Variants in DERA observed in about 807,000 individuals in gnomAD.
DERA encodes the protein 2-deoxy-D-ribose 5-phosphate aldolase.
Under a neutral mutation model 41.1 loss-of-function variants are expected in DERA, and 15 were observed. The observed-to-expected ratio is 0.37, with a 90% confidence interval of 0.24 to 0.56. DERA has a LOEUF of 0.56. Ranked by LOEUF, DERA falls within the 20% of genes least tolerant of loss-of-function variation. The pLI is 0.81. For missense variants in DERA, 396 were observed against 403.4 expected, an observed-to-expected ratio of 0.98 and a Z score of 0.16; for synonymous variants, 139 against 137.4, an observed-to-expected ratio of 1.01 and a Z score of -0.08.
Position 15,954,108 on chromosome 12 carries a change from T to C in DERA, c.32-2828T>C, listed in dbSNP as rs554658568. ...ACCTTGTGAGTTCTAACCTTTGGTG[T>C]ACTCAAAATTGGTTTTTAAGGGGAA... is the stretch of plus-strand genomic sequence containing the variant. On this transcript the variant is annotated intron_variant, in intron 1 of 8. Coordinates refer to ENST00000428559, the MANE Select transcript of DERA (RefSeq NM_015954.4). The surrounding 1 kb of genome is among the most constrained non-coding windows in gnomAD (Gnocchi z 4.0). Among the ~76,000 whole-genome samples, 110 of 152,344 alleles carry C rather than the reference T, an allele frequency of 7.2e-4. 1 individual carries two copies. The highest frequency in any genetic ancestry group is 1.4e-3 in the Non-Finnish European group (92 of 68,024).
rs1243331132 is a variant in DERA, at chr12:16,013,224, CTTAGT to C, written c.638-19314_638-19310del. Among the ~76,000 whole-genome samples, 2 of 152,082 alleles carry C rather than the reference CTTAGT, an allele frequency of 1.3e-5. No homozygotes were observed. The highest frequency in any genetic ancestry group is 2.9e-5 in the Non-Finnish European group (2 of 68,016). On this transcript the variant is annotated intron_variant, in intron 6 of 8. Transcript: ENST00000428559. This position sits in a 1 kb window ranked among gnomAD's most constrained non-coding sequence, Gnocchi z 5.8. The stretch of plus-strand genomic sequence containing the variant: ...GAAGTATTTTTCTTCAGTAGTAATG[CTTAGT>C]TTAATGTGTGACTGCACATGCTGTT...
Position 15,922,080 on chromosome 12 carries a change from A to T in DERA, c.31+10666A>T, listed in dbSNP as rs1948248403. On this transcript the variant is annotated intron_variant, in intron 1 of 8. Transcript: ENST00000428559. The surrounding 1 kb of genome is among the most constrained non-coding windows in gnomAD (Gnocchi z 4.9). The stretch of plus-strand genomic sequence containing the variant: ...TCAAAGTCATTCATTCAGCATGTGT[A>T]TGTTGAGTACTGTGAACTCATCACT... 6.6e-6 allele frequency among the ~76,000 whole-genome samples: 1 copy of T among 152,178 alleles called. No individual in the cohort carries two copies. The highest frequency in any genetic ancestry group is 6.5e-5 in the Admixed American group (1 of 15,272).
chr12:15,912,139 GT>G (rs1352148231), intron 1 of DERA, among the ~76,000 whole-genome samples: 1 of 152,030 alleles, frequency 6.6e-6, no homozygotes, highest in African/African-American at 2.4e-5. Flanking sequence ...AAGGTCTCTG[GT>G]TTTCCTAGGC....
Position 15,915,422 on chromosome 12 carries a change from C to A in DERA, c.31+4008C>A, listed in dbSNP as rs780663546. Among the ~76,000 whole-genome samples the A allele has an allele frequency of 6.6e-6, 1 of 151,986 alleles. No individual in the cohort carries two copies. The highest frequency in any genetic ancestry group is 6.6e-5 in the Admixed American group (1 of 15,260). ...TGGTGATTTTCCACTGCAAAGTTAA[C>A]GTTTAATTTTTGGAATGGATATTTA... On this transcript the variant is annotated intron_variant, in intron 1 of 8. Coordinates refer to ENST00000428559, the MANE Select transcript of DERA (RefSeq NM_015954.4). This position sits in a 1 kb window ranked among gnomAD's most constrained non-coding sequence, Gnocchi z 4.8.
In DERA at chr12:16,032,549, T is replaced by C. The variant is rs769731014; in HGVS notation, c.645T>C (p.Asp215=). ...TTCCTCTTTTTGTTTTAGGATCAGA[T>C]TTTATTAAGACCTCTACTGGAAAAG... is the stretch of plus-strand genomic sequence containing the variant. ...ASMIAMMAGS[D]FIKTSTGKET... is the part of the protein sequence containing the mutation. Residue 215 remains aspartate, a synonymous_variant, in exon 7 of 9, where the codon GAT becomes GAC. Transcript: ENST00000428559. The C allele has an allele frequency of 1.3e-6, 2 of 1,502,096 alleles. No individual in the cohort carries two copies. Among genetic ancestry groups the C allele is most frequent in the Non-Finnish European group, 1.8e-6 (2 of 1,126,518 alleles). The allele number at this position is 1,502,096 out of a possible 1,614,324, so 93.0% of individuals were successfully genotyped here.
rs1487184148 is a variant in DERA at position 15,928,683 on chromosome 12, G to A, written c.31+17269G>A. ...TGGAGAGTTTCCCCTATTAAAAGCT[G>A]TCTGGGAGAAGAATAGAAAATTCGG... On this transcript the variant is annotated intron_variant, in intron 1 of 8. Coordinates refer to ENST00000428559, the MANE Select transcript of DERA (RefSeq NM_015954.4). The surrounding 1 kb of genome is among the most constrained non-coding windows in gnomAD (Gnocchi z 4.6). Among the ~76,000 whole-genome samples the A allele has an allele frequency of 1.3e-5, 2 of 151,968 alleles. No individual in the cohort carries two copies. Among genetic ancestry groups the A allele is most frequent in the African/African-American group, 4.9e-5 (2 of 41,236 alleles).
chr12:15,914,353 T>C (rs919097759), intron 1 of DERA, among the ~76,000 whole-genome samples: 5 of 149,150 alleles, frequency 3.4e-5, no homozygotes, highest in African/African-American at 1.0e-4. Context: ...CTGCACTCCA[T>C]TGGGCAACAG....
intron 5 of DERA, among the ~76,000 whole-genome samples, chr12:15,980,677 TC>T (rs1407383026): frequency 6.6e-6 from 1 of 152,154 alleles, no homozygotes; most frequent in African/African-American, 2.4e-5. Context: ...TCTCAGATCA[TC>T]CCTAGTACTC....
chr12:15,962,643 G>A (rs1948595498), intron 4 of DERA, 170 bp from the exon 5 acceptor site: 1 of 518,954 alleles, frequency 1.9e-6, no homozygotes, highest in African/African-American at 1.9e-5. Flanking sequence ...ATGCATAAGT[G>A]ATGTTCTTAA....
chr12:15,930,152 A>G (rs1380400823), intron 1 of DERA, among the ~76,000 whole-genome samples: 4 of 152,182 alleles, frequency 2.6e-5, no homozygotes, highest in Admixed American at 6.5e-5. Context: ...CTCAAAATAT[A>G]TTAGGAATGT....
chr12:16,024,731 G>A (rs1412701630), intron 6 of DERA, among the ~76,000 whole-genome samples: 1 of 151,814 alleles, frequency 6.6e-6, no homozygotes, highest in African/African-American at 2.4e-5. Context: ...AGTTTCTCAG[G>A]GAGAAGAAAA....
chr12:15,994,639 G>A lies in DERA; in HGVS notation c.637+12203G>A, dbSNP rs913222150. Among the ~76,000 whole-genome samples the A allele has an allele frequency of 6.6e-6, 1 of 152,122 alleles. No homozygotes were observed. The highest frequency in any genetic ancestry group is 1.5e-5 in the Non-Finnish European group (1 of 68,024). The stretch of plus-strand genomic sequence containing the variant: ...TGGCTAATTTTTTGTATTTTTAGTA[G>A]AGACGGGGTTTCACCATGTTAGCCA... On this transcript the variant is annotated intron_variant, in intron 6 of 8. Transcript: ENST00000428559. This position sits in a 1 kb window ranked among gnomAD's most constrained non-coding sequence, Gnocchi z 4.8.
At position 15,984,328 on chromosome 12, in the gene DERA, G is replaced by A. The variant is rs1050158570; in HGVS notation, c.637+1892G>A. Among the ~76,000 whole-genome samples the A allele has an allele frequency of 1.3e-5, 2 of 152,104 alleles. No homozygotes were observed. Among genetic ancestry groups the A allele is most frequent in the Non-Finnish European group, 2.9e-5 (2 of 68,020 alleles). ...ATTAGGTCATCACGCTTTGGAAGCT[G>A]TGTCCCACCCTCCACCCATCCTGTC... On this transcript the variant is annotated intron_variant, in intron 6 of 8. Transcript: ENST00000428559. This position sits in a 1 kb window ranked among gnomAD's most constrained non-coding sequence, Gnocchi z 4.5.
rs748229161 is a variant in DERA, at chr12:15,913,060, A to G, written c.31+1646A>G. Among the ~76,000 whole-genome samples, 7 of 152,248 alleles carry G rather than the reference A, an allele frequency of 4.6e-5. No homozygotes were observed. The highest frequency in any genetic ancestry group is 7.3e-5 in the Non-Finnish European group (5 of 68,034). On this transcript the variant is annotated intron_variant, in intron 1 of 8. Transcript: ENST00000428559. This position sits in a 1 kb window ranked among gnomAD's most constrained non-coding sequence, Gnocchi z 4.5. ...CCTGGGTATTCCCAGGAATATGACCATGTGACTATGCATACATCAAGGATG... is the reference window on the plus strand; with the variant it reads ...CCTGGGTATTCCCAGGAATATGACCGTGTGACTATGCATACATCAAGGATG...
rs539275345 is a variant in DERA, at chr12:16,011,016, C to G, written c.638-21526C>G. Among the ~76,000 whole-genome samples, 2 of 152,208 alleles carry G rather than the reference C, an allele frequency of 1.3e-5. No individual in the cohort carries two copies. The highest frequency in any genetic ancestry group is 4.8e-5 in the African/African-American group (2 of 41,532). On this transcript the variant is annotated intron_variant, in intron 6 of 8. Coordinates refer to ENST00000428559, the MANE Select transcript of DERA (RefSeq NM_015954.4). The surrounding 1 kb of genome is among the most constrained non-coding windows in gnomAD (Gnocchi z 4.7). ...GCACTTTCTAATCCTGATAAAGTAGCCTAATTTTCTAGCTTGCTTTGTTCA... is the reference window on the plus strand; with the variant it reads ...GCACTTTCTAATCCTGATAAAGTAGGCTAATTTTCTAGCTTGCTTTGTTCA...
chr12:15,949,599 C>A (rs1374201714), intron 1 of DERA, among the ~76,000 whole-genome samples: 2 of 152,332 alleles, frequency 1.3e-5, no homozygotes, highest in East Asian at 1.9e-4. Flanking sequence ...CCATCTGTCA[C>A]AGCTTCCCTT....
rs894380651 is a variant in DERA at position 16,020,608 on chromosome 12, G to A, written c.638-11934G>A. On this transcript the variant is annotated intron_variant, in intron 6 of 8. Coordinates refer to ENST00000428559, the MANE Select transcript of DERA (RefSeq NM_015954.4). This position sits in a 1 kb window ranked among gnomAD's most constrained non-coding sequence, Gnocchi z 5.5. ...TTGGAACTGGGTAATGGAGAGGTTG[G>A]AAGAGTTTGGAGGGCCCAGAAAAAG... Among the ~76,000 whole-genome samples the A allele has an allele frequency of 3.9e-5, 6 of 152,230 alleles. No individual in the cohort carries two copies. The highest frequency in any genetic ancestry group is 1.4e-4 in the African/African-American group (6 of 41,458).
intron 1 of DERA, among the ~76,000 whole-genome samples, chr12:15,947,100 A>G (rs1948456266): frequency 6.6e-6 from 1 of 152,102 alleles, no homozygotes; most frequent in Non-Finnish European, 1.5e-5. Flanking sequence ...ACAGTTTGTT[A>G]TAATTTCTGG....
rs1027095089 is a variant in DERA at position 16,011,231 on chromosome 12, T to A, written c.638-21311T>A. ...TCAGTTGTTTAAAGCATATCTGGCTTATTTTGTTAAAATGTTTCTTCATTT... is the reference window on the plus strand; with the variant it reads ...TCAGTTGTTTAAAGCATATCTGGCTAATTTTGTTAAAATGTTTCTTCATTT... On this transcript the variant is annotated intron_variant, in intron 6 of 8. Transcript: ENST00000428559. The surrounding 1 kb of genome is among the most constrained non-coding windows in gnomAD (Gnocchi z 4.7). 1.3e-5 allele frequency among the ~76,000 whole-genome samples: 2 copies of A among 152,220 alleles called. No homozygotes were observed. The highest frequency in any genetic ancestry group is 6.5e-5 in the Admixed American group (1 of 15,280).
Sources: gnomAD v4.1 joint callset for allele counts (sites outside exome capture counted in the v4.1 genomes callset) on GRCh38, gnomAD v4.1.1 for gene constraint, Gnocchi (gnomAD v3.1) non-coding constraint, MANE v1.5 for transcripts, NCBI Gene and HGNC (gene_info 2026-07-23, HGNC 2026-07-21) for gene names.